Variants in EHBP1 observed in about 807,000 individuals in gnomAD.
EHBP1 encodes the protein EH domain-binding protein 1.
In EHBP1, 55 loss-of-function variants were observed where a neutral mutation model predicts 144.0. That is an observed-to-expected ratio of 0.38 (90% CI 0.31 to 0.48). The LOEUF (loss-of-function observed/expected upper bound fraction) is 0.48. EHBP1 is among the 20% of genes least tolerant of loss of function. The pLI, the probability that EHBP1 is intolerant of heterozygous loss-of-function variation, is 0.98. For synonymous variants in EHBP1, 469 were observed against 472.7 expected (o/e 0.99, Z 0.10); for missense variants, 1,200 against 1,364.2 (o/e 0.88, Z 1.90).
At chr2:62,830,817 T>C (rs2046775779) in intron 6 of EHBP1, among the ~76,000 whole-genome samples, 2 of 152,232 alleles carry the variant, frequency 1.3e-5, no homozygotes, top group Admixed American at 1.3e-4. Flanking sequence ...TTTTTAATCT[T>C]ATTAGCTCTT....
intron 1 of EHBP1, among the ~76,000 whole-genome samples, chr2:62,687,486 C>T (rs963301652): frequency 4.6e-5 from 7 of 152,136 alleles, no homozygotes; most frequent in Admixed American, 2.0e-4. Flanking sequence ...ATAGGTGGGT[C>T]GTAATAGATG....
chr2:62,708,099 T>C (rs2034772981), intron 2 of EHBP1, among the ~76,000 whole-genome samples: 1 of 152,200 alleles, frequency 6.6e-6, no homozygotes, highest in African/African-American at 2.4e-5. Context: ...TATTGCAAAA[T>C]AAGTCCATTT....
intron 5 of EHBP1, among the ~76,000 whole-genome samples, chr2:62,793,298 A>G (rs1164654710): frequency 2.0e-5 from 3 of 152,142 alleles, no homozygotes; most frequent in African/African-American, 7.2e-5. Context: ...TCAACCACTC[A>G]CAAAACTGCT....
chr2:62,806,743 T>G (rs2044526755), intron 5 of EHBP1, among the ~76,000 whole-genome samples: 1 of 152,088 alleles, frequency 6.6e-6, no homozygotes, highest in South Asian at 2.1e-4. Context: ...TTAATTTTAG[T>G]TTTTTTAGTT....
chr2:62,888,360 A>G (rs1247455473), intron 10 of EHBP1, among the ~76,000 whole-genome samples: 1 of 152,258 alleles, frequency 6.6e-6, no homozygotes. Flanking sequence ...CACTGTGTTC[A>G]ATGGGAAAGA....
intron 3 of EHBP1, among the ~76,000 whole-genome samples, chr2:62,749,994 A>C (rs983451751): frequency 6.6e-6 from 1 of 151,858 alleles, no homozygotes; most frequent in Non-Finnish European, 1.5e-5. Context: ...TTAATTAAGT[A>C]CCATTTGTCA....
chr2:62,830,044 A>T (rs900205719), intron 6 of EHBP1, among the ~76,000 whole-genome samples: 1 of 150,930 alleles, frequency 6.6e-6, no homozygotes, highest in Non-Finnish European at 1.5e-5. Flanking sequence ...TGCACATGCA[A>T]TGTTTATAGT....
chr2:62,735,748 GTCTT>G (rs1320305624), intron 2 of EHBP1, among the ~76,000 whole-genome samples: 2 of 152,078 alleles, frequency 1.3e-5, no homozygotes, highest in African/African-American at 4.8e-5. Context: ...GTCTGAGAAA[GTCTT>G]TATTTTTCTT....
intron 4 of EHBP1, among the ~76,000 whole-genome samples, chr2:62,770,490 A>G (rs1292910061): frequency 6.6e-6 from 1 of 152,256 alleles, no homozygotes; most frequent in Non-Finnish European, 1.5e-5. Flanking sequence ...AGTGGCTATT[A>G]TTAAAAAGTC....
chr2:62,862,663 T>C (rs1026227439), intron 8 of EHBP1, among the ~76,000 whole-genome samples: 2 of 152,196 alleles, frequency 1.3e-5, no homozygotes, highest in South Asian at 2.1e-4. Flanking sequence ...AAAATTTTTG[T>C]AATAATCAGA....
Position 62,996,662 on chromosome 2 carries a change from G to A in EHBP1, c.2999G>A (p.Ser1000Asn). 6.2e-7 allele frequency: 1 copy of A among 1,613,382 alleles called. No individual in the cohort carries two copies. Among genetic ancestry groups the A allele is most frequent in the East Asian group, 2.2e-5 (1 of 44,840 alleles). ...TAACAGAAAGGGTTCAAAGACACCA[G>A]TCAGTATGTAGTAGGAGAATTGGCA... is the stretch of plus-strand genomic sequence containing the variant. ...EVLNKGFKDT[S>N]QYVVGELAAL... Residue 1000 changes from serine (S) to asparagine (N), a missense_variant, in exon 19 of 23, where the codon AGT becomes AAT. Ser to Asn is a conservative substitution (Grantham distance 46, BLOSUM62 1). Transcript: ENST00000431489.
intron 5 of EHBP1, among the ~76,000 whole-genome samples, chr2:62,787,062 T>TTA (rs1381797396): frequency 6.6e-6 from 1 of 152,210 alleles, no homozygotes; most frequent in Non-Finnish European, 1.5e-5. Flanking sequence ...CAAGTTTTCA[T>TTA]TAGCAATAGG....
At chr2:62,743,612 C>T (rs771329289) in intron 2 of EHBP1, among the ~76,000 whole-genome samples, 10 of 152,014 alleles carry the variant, frequency 6.6e-5, no homozygotes, top group Middle Eastern at 3.2e-3. Flanking sequence ...GTGATAGTTT[C>T]GGGTTTTTCT....
rs576267075 is a variant in EHBP1, at chr2:62,973,892, G to A, written c.2461-5296G>A. ...CACACACCTGTGGTCCCAGCTACTCGGGGTGGTGGCAGGGCTGAGGTAGGA... is the reference window on the plus strand; with the variant it reads ...CACACACCTGTGGTCCCAGCTACTCAGGGTGGTGGCAGGGCTGAGGTAGGA... On this transcript the variant is annotated intron_variant, in intron 14 of 22. Transcript: ENST00000431489. Among the ~76,000 whole-genome samples the A allele has an allele frequency of 5.3e-5, 8 of 152,208 alleles. No individual in the cohort carries two copies. In the South Asian group the frequency reaches 1.0e-3, roughly 20 times the overall value.
Position 62,707,085 on chromosome 2 carries a change from A to C in EHBP1, c.-107A>C. 2 of 791,764 alleles carry C rather than the reference A, an allele frequency of 2.5e-6. No homozygotes were observed. Among genetic ancestry groups the C allele is most frequent in the Non-Finnish European group, 2.2e-6 (1 of 459,656 alleles). The allele number at this position is 791,764 out of a possible 1,614,324, so 49.0% of individuals were successfully genotyped here. A position where few individuals can be genotyped will look rare whatever the true frequency, so the allele number is the denominator to read the frequency against. ...CAAGCATCATTTCGAGTTGTAGTTG[A>C]GTTTTTAAAAGACATACATGCAAAG... On this transcript the variant is annotated 5_prime_UTR_variant, in exon 2 of 23. Coordinates refer to ENST00000431489, the MANE Select transcript of EHBP1 (RefSeq NM_001142616.3).
intron 1 of EHBP1, among the ~76,000 whole-genome samples, chr2:62,693,825 A>T (rs1398186730): frequency 6.6e-6 from 1 of 152,168 alleles, no homozygotes; most frequent in African/African-American, 2.4e-5. Context: ...CTACCTCCAG[A>T]AAAATCAACT....
chr2:62,745,676 A>G (rs1019691292), intron 2 of EHBP1, among the ~76,000 whole-genome samples: 1 of 152,012 alleles, frequency 6.6e-6, no homozygotes, highest in African/African-American at 2.4e-5. Context: ...GTTGAGAAAC[A>G]AGGGTGTCAC....
At position 62,707,256 on chromosome 2, in the gene EHBP1, C is replaced by T; in HGVS notation, c.65C>T (p.Ala22Val). 1 of 1,614,124 alleles carries T rather than the reference C, an allele frequency of 6.2e-7. No homozygotes were observed. The highest frequency in any genetic ancestry group is 8.5e-7 in the Non-Finnish European group (1 of 1,179,970). Reference protein sequence around the residue: ...GKHASKFQFVASYQELMVECT... With the variant: ...GKHASKFQFVVSYQELMVECT... ...CATGCATCCAAGTTCCAGTTTGTGG[C>T]CTCCTACCAGGAGCTCATGGTTGAG... Residue 22 changes from alanine to valine, a missense_variant, in exon 2 of 23, where the codon GCC becomes GTC. By Grantham distance (64) the Ala-to-Val change is moderately conservative. Transcript: ENST00000431489.
chr2:62,733,516 T>G (rs1003511945), intron 2 of EHBP1, among the ~76,000 whole-genome samples: 2 of 152,210 alleles, frequency 1.3e-5, no homozygotes, highest in African/African-American at 4.8e-5. Context: ...GTTTTTTGGC[T>G]TTACCCTCCC....
Sources: allele counts gnomAD v4.1 joint callset (sites outside exome capture counted in the v4.1 genomes callset), GRCh38; gene constraint gnomAD v4.1.1; transcripts MANE v1.5; gene names NCBI Gene and HGNC (gene_info 2026-07-23, HGNC 2026-07-21).